Variants in PRTFDC1 observed in about 807,000 individuals in gnomAD.
PRTFDC1 encodes phosphoribosyltransferase domain-containing protein 1.
In PRTFDC1, 38 loss-of-function variants were observed where a neutral mutation model predicts 34.6. That is an observed-to-expected ratio of 1.10 (90% CI 0.85 to 1.44). PRTFDC1 has a LOEUF of 1.44. Among genes scored for constraint, PRTFDC1 ranks in the 40% most tolerant of loss-of-function variants. The pLI is 0.00. For missense variants in PRTFDC1, 270 were observed against 283.0 expected (o/e 0.95, Z 0.33); for synonymous variants, 93 against 98.1 (o/e 0.95, Z 0.31).
At chr10:24,923,030 G>A (rs1848815151) in intron 3 of PRTFDC1, among the ~76,000 whole-genome samples, 1 of 152,218 alleles carries the variant, frequency 6.6e-6, no homozygotes, top group Non-Finnish European at 1.5e-5. Flanking sequence ...CATGCCCATG[G>A]AGCCTTGCTC....
chr10:24,875,889 T>A (rs1847954606), intron 3 of PRTFDC1, among the ~76,000 whole-genome samples: 1 of 150,170 alleles, frequency 6.7e-6, no homozygotes, highest in Non-Finnish European at 1.5e-5. Context: ...AGGGTCTTGT[T>A]CTGTCATCCA....
At chr10:24,890,314 T>C (rs906587530) in intron 3 of PRTFDC1, among the ~76,000 whole-genome samples, 1 of 152,130 alleles carries the variant, frequency 6.6e-6, no homozygotes, top group Non-Finnish European at 1.5e-5. Flanking sequence ...TGACCTCTGC[T>C]CTTAGGTTTT....
chr10:24,900,854 T>C (rs1848438720), intron 3 of PRTFDC1, among the ~76,000 whole-genome samples: 1 of 152,180 alleles, frequency 6.6e-6, no homozygotes, highest in Non-Finnish European at 1.5e-5. Context: ...TAAAAATCTA[T>C]GCATAAAGCT....
chr10:24,908,490 C>A, intron 3 of PRTFDC1: 3 of 1,611,010 alleles, frequency 1.9e-6, no homozygotes, highest in Non-Finnish European at 2.5e-6. Flanking sequence ...GTACACCTCA[C>A]TGGATCTCAG....
intron 3 of PRTFDC1, among the ~76,000 whole-genome samples, chr10:24,918,643 G>C (rs1848732525): frequency 6.6e-6 from 1 of 151,990 alleles, no homozygotes; most frequent in Non-Finnish European, 1.5e-5. Context: ...TTGAATTCCT[G>C]GGCTCAAGCA....
Position 24,917,447 on chromosome 10 carries a change from CTT to C in PRTFDC1, c.339+19735_339+19736del, listed in dbSNP as rs546146838. Among the ~76,000 whole-genome samples, 19 of 152,282 alleles carry C rather than the reference CTT, an allele frequency of 1.2e-4. No homozygotes were observed. In the South Asian group the frequency reaches 3.9e-3, roughly 32 times the overall value. ...GTCTTCTCTTATTCTGTTACAGACTCTTGTTCTTACTTTAGAGATACCAAGAT... is the reference window on the plus strand; with the variant it reads ...GTCTTCTCTTATTCTGTTACAGACTCGTTCTTACTTTAGAGATACCAAGAT... On this transcript the variant is annotated intron_variant, in intron 3 of 8. Transcript: ENST00000320152.
At chr10:24,894,681 C>A (rs952397698) in intron 3 of PRTFDC1, among the ~76,000 whole-genome samples, 1 of 152,188 alleles carries the variant, frequency 6.6e-6, no homozygotes, top group Non-Finnish European at 1.5e-5. Context: ...TTATGGAAGA[C>A]ATCACTTAAA....
chr10:24,886,311 T>G (rs1848162453), intron 3 of PRTFDC1, among the ~76,000 whole-genome samples: 1 of 152,176 alleles, frequency 6.6e-6, no homozygotes, highest in Non-Finnish European at 1.5e-5. Context: ...ATTTTAAATA[T>G]TATGAGACAA....
At chr10:24,859,464 T>C (rs1017203466) in intron 4 of PRTFDC1, among the ~76,000 whole-genome samples, 53 of 152,354 alleles carry the variant, frequency 3.5e-4, no homozygotes, top group African/African-American at 1.3e-3. Context: ...TTTACCATGT[T>C]GGCCAGGCTG....
At chr10:24,932,107 C>A (rs758620848) in intron 3 of PRTFDC1, among the ~76,000 whole-genome samples, 2 of 151,818 alleles carry the variant, frequency 1.3e-5, no homozygotes, top group Non-Finnish European at 2.9e-5. Flanking sequence ...CTAGAAAAAG[C>A]ACTGATGATA....
intron 3 of PRTFDC1, chr10:24,908,259 C>A (rs2132563524): frequency 2.1e-6 from 1 of 474,592 alleles, no homozygotes; most frequent in South Asian, 3.3e-5. Flanking sequence ...ACATGTCATG[C>A]CCTCTGTCTT....
At chr10:24,859,393 G>T (rs1027543286) in intron 4 of PRTFDC1, among the ~76,000 whole-genome samples, 2 of 152,158 alleles carry the variant, frequency 1.3e-5, no homozygotes, top group African/African-American at 2.4e-5. Flanking sequence ...CCACGTGGCT[G>T]GGATTATAGG....
intron 3 of PRTFDC1, among the ~76,000 whole-genome samples, chr10:24,875,276 C>T (rs573292632): frequency 2.0e-4 from 30 of 152,196 alleles, no homozygotes; most frequent in South Asian, 1.2e-3. Context: ...ACATTTAAAT[C>T]CTCTTTTAGC....
chr10:24,919,031 T>C (rs1848740700), intron 3 of PRTFDC1, among the ~76,000 whole-genome samples: 1 of 152,280 alleles, frequency 6.6e-6, no homozygotes, highest in Admixed American at 6.5e-5. Flanking sequence ...GATAATAAAT[T>C]ACTTTACTTA....
At chr10:24,854,268 G>A (rs1286581685) in intron 7 of PRTFDC1, among the ~76,000 whole-genome samples, 3 of 152,104 alleles carry the variant, frequency 2.0e-5, no homozygotes, top group Non-Finnish European at 2.9e-5. Flanking sequence ...CTTAGTAACC[G>A]CATGCAACCT....
At chr10:24,878,093 T>C (rs184310175) in intron 3 of PRTFDC1, among the ~76,000 whole-genome samples, 2 of 151,888 alleles carry the variant, frequency 1.3e-5, no homozygotes, top group African/African-American at 4.8e-5. Context: ...GCCAACCTGG[T>C]GAAACCCCAT....
chr10:24,908,057 G>T (rs893820877), intron 3 of PRTFDC1, among the ~76,000 whole-genome samples: 5 of 152,098 alleles, frequency 3.3e-5, no homozygotes, highest in Non-Finnish European at 5.9e-5. Context: ...TTTTACTTGA[G>T]GGCAACACTG....
At chr10:24,943,635 T>C (rs1300217940) in intron 1 of PRTFDC1, among the ~76,000 whole-genome samples, 2 of 148,114 alleles carry the variant, frequency 1.4e-5, no homozygotes, top group Non-Finnish European at 3.0e-5. Context: ...ACTGCAACCC[T>C]GCCTCCCAGG....
intron 1 of PRTFDC1, among the ~76,000 whole-genome samples, chr10:24,949,213 C>T (rs563901545): frequency 6.6e-6 from 1 of 152,258 alleles, no homozygotes; most frequent in South Asian, 2.1e-4. Flanking sequence ...CCTCAGCCTC[C>T]CCGGTAGCTG....
Sources: allele counts gnomAD v4.1 joint callset (sites outside exome capture counted in the v4.1 genomes callset), GRCh38; gene constraint gnomAD v4.1.1; transcripts MANE v1.5; gene names NCBI Gene and HGNC (gene_info 2026-07-23, HGNC 2026-07-21).